Variants in ITPR2 observed in about 807,000 individuals in gnomAD.
ITPR2 encodes inositol 1,4,5-trisphosphate receptor type 2.
Under a neutral mutation model 317.1 loss-of-function variants are expected in ITPR2, and 207 were observed. The observed-to-expected ratio is 0.65, with a 90% CI of 0.58 to 0.73. ITPR2 has a LOEUF of 0.73. ITPR2 is among the 30% of genes least tolerant of loss of function. The probability of loss-of-function intolerance (pLI) is 0.00; values close to 1 mark genes in which losing one functional copy is unlikely to be tolerated. For missense variants in ITPR2, 2,613 were observed against 3,284.0 expected, an observed-to-expected ratio of 0.80 and a Z score of 4.99; for synonymous variants, 1,156 against 1,149.1, an observed-to-expected ratio of 1.01 and a Z score of -0.12.
intron 1 of ITPR2, among the ~76,000 whole-genome samples, chr12:26,810,549 G>T (rs1472965770): frequency 6.6e-6 from 1 of 152,200 alleles, no homozygotes; most frequent in African/African-American, 2.4e-5. Flanking sequence ...TGGCAGTCCA[G>T]GGCTGTCGCT....
At chr12:26,520,662 GT>G (rs1309120965) in intron 37 of ITPR2, among the ~76,000 whole-genome samples, 1 of 152,150 alleles carries the variant, frequency 6.6e-6, no homozygotes, top group African/African-American at 2.4e-5. Flanking sequence ...TGACACTTTA[GT>G]GTCTTTCTTT....
intron 45 of ITPR2, among the ~76,000 whole-genome samples, chr12:26,443,955 T>C (rs1156314660): frequency 6.6e-6 from 1 of 152,080 alleles, no homozygotes; most frequent in Non-Finnish European, 1.5e-5. Context: ...TACATGCAAA[T>C]AAAAACAAAG....
At chr12:26,421,351 G>A (rs1386553727) in intron 49 of ITPR2, 1 of 152,132 alleles carries the variant, frequency 6.6e-6, no homozygotes, top group Non-Finnish European at 1.5e-5. Context: ...GACGTGGAGT[G>A]GAGTTGATAA....
chr12:26,422,001 A>T lies in ITPR2; in HGVS notation c.6946-2788T>A, dbSNP rs1342457295. ...AATAGGTCTTCTAAAAAAAAAAGCA[A>T]AATTAATGTTTGTTTGTTAATTAGT... is the stretch of plus-strand genomic sequence containing the variant. On this transcript the variant is annotated intron_variant, in intron 49 of 56. Coordinates refer to ENST00000381340, the MANE Select transcript of ITPR2 (RefSeq NM_002223.4). Among the ~76,000 whole-genome samples the T allele has an allele frequency of 2.1e-5, 3 of 144,132 alleles. No homozygotes were observed. In the South Asian group the frequency reaches 6.5e-4, roughly 31 times the overall value. The allele number at this position is 144,132 out of a possible 152,430, so 94.6% of individuals were successfully genotyped here.
rs1018489203 is a variant in ITPR2 at position 26,507,154 on chromosome 12, A to G, written c.5074-11894T>C. Among the ~76,000 whole-genome samples, 14 of 152,294 alleles carry G rather than the reference A, an allele frequency of 9.2e-5. No individual in the cohort carries two copies. In the East Asian group the frequency reaches 2.5e-3, roughly 27 times the overall value. ...GCTCCTAATTGTGTTCTACATGTAA[A>G]CCACAATTTTCAAAGAATTTTGCAG... On this transcript the variant is annotated intron_variant, in intron 37 of 56. Transcript: ENST00000381340.
chr12:26,591,764 A>G (rs954061174), intron 32 of ITPR2, among the ~76,000 whole-genome samples: 8 of 151,560 alleles, frequency 5.3e-5, no homozygotes, highest in Non-Finnish European at 8.8e-5. Context: ...TGAACCCCGG[A>G]GGCAGAGGTT....
intron 2 of ITPR2, among the ~76,000 whole-genome samples, chr12:26,728,081 G>A (rs1396694416): frequency 6.6e-6 from 1 of 152,140 alleles, no homozygotes. Context: ...AGGCTAAGGA[G>A]GATGGACTAT....
intron 1 of ITPR2, chr12:26,801,181 C>A (rs61920594): frequency 0.16 from 25,661 of 158,606 alleles, 2,815 homozygotes; most frequent in Non-Finnish European, 0.24. Flanking sequence ...GGCAAAGTAG[C>A]CACTGACCAA....
At chr12:26,817,198 AAAAAGGGCAGT>A in intron 1 of ITPR2, among the ~76,000 whole-genome samples, 1 of 151,120 alleles carries the variant, frequency 6.6e-6, no homozygotes, top group African/African-American at 2.4e-5. Context: ...AAAAAAAAAA[AAAAAGGGCAGT>A]ACGAACAAAG....
intron 34 of ITPR2, among the ~76,000 whole-genome samples, chr12:26,564,421 G>A (rs925588612): frequency 6.6e-6 from 1 of 152,174 alleles, no homozygotes; most frequent in African/African-American, 2.4e-5. Context: ...AAGCATATTG[G>A]CCGTATTCTG....
chr12:26,772,423 T>TTATATATAATACATGTATTATATATATAA lies in ITPR2; in HGVS notation c.163+17733_163+17734insTTATATATATAATACATGTATTATATATA, dbSNP rs1565751745. 1.3e-3 allele frequency among the ~76,000 whole-genome samples: 119 copies of TTATATATAATACATGTATTATATATATAA among 93,990 alleles called. 3 individuals carry two copies. The highest frequency in any genetic ancestry group is 3.7e-3 in the African/African-American group (111 of 30,202). The allele number at this position is 93,990 out of a possible 152,430, so 61.7% of individuals were successfully genotyped here. On this transcript the variant is annotated intron_variant, in intron 2 of 56. Transcript: ENST00000381340. ...TATATAATATACACATTTATATATA[T>TTATATATAATACATGTATTATATATATAA]TATATATAATACATGTATTATATAT...
At chr12:26,413,644 G>T (rs1940624312) in intron 51 of ITPR2, among the ~76,000 whole-genome samples, 3 of 152,008 alleles carry the variant, frequency 2.0e-5, no homozygotes, top group South Asian at 4.2e-4. Context: ...ATAATCAAGG[G>T]TTTAACTTTG....
intron 55 of ITPR2, among the ~76,000 whole-genome samples, chr12:26,383,190 C>T (rs575999028): frequency 7.7e-4 from 118 of 152,316 alleles, no homozygotes; most frequent in African/African-American, 2.8e-3. Flanking sequence ...ACTTCACCTT[C>T]TGCCATGAGT....
chr12:26,580,471 G>A (rs944486766), intron 32 of ITPR2, among the ~76,000 whole-genome samples: 1 of 152,082 alleles, frequency 6.6e-6, no homozygotes, highest in East Asian at 1.9e-4. Flanking sequence ...GCTTGGCTTT[G>A]CTGGAGAACA....
chr12:26,342,257 A>C (rs2136542423), intron 55 of ITPR2, among the ~76,000 whole-genome samples: 1 of 152,226 alleles, frequency 6.6e-6, no homozygotes, highest in East Asian at 1.9e-4. Flanking sequence ...GGTAGGAAGG[A>C]GGGAGGAGAA....
intron 21 of ITPR2, among the ~76,000 whole-genome samples, chr12:26,645,553 G>A (rs1287275643): frequency 6.6e-6 from 1 of 152,234 alleles, no homozygotes; most frequent in Non-Finnish European, 1.5e-5. Flanking sequence ...TGGACAGAGG[G>A]AGGACAGACA....
rs570008795 is a variant in ITPR2 at position 26,337,320 on chromosome 12, T to C, written c.*2077A>G. On this transcript the variant is annotated 3_prime_UTR_variant, in exon 57 of 57. Transcript: ENST00000381340. ...CAAATGAATTTATTCTCTTGACCTC[T>C]AGTTCAGATGTCAGAAATATTTTGT... The C allele has an allele frequency of 2.5e-4, 38 of 152,362 alleles. No homozygotes were observed. The highest frequency in any genetic ancestry group is 8.9e-4 in the African/African-American group (37 of 41,590). The allele number at this position is 152,362 out of a possible 1,614,324, so 9.4% of individuals were successfully genotyped here. A position where few individuals can be genotyped will look rare whatever the true frequency, so the allele number is the denominator to read the frequency against.
chr12:26,747,620 T>C (rs1018497911), intron 2 of ITPR2, among the ~76,000 whole-genome samples: 6 of 152,180 alleles, frequency 3.9e-5, no homozygotes, highest in African/African-American at 1.4e-4. Flanking sequence ...ACTTCTCCAC[T>C]TCCTAAACAT....
Position 26,418,919 on chromosome 12 carries a change from T to G in ITPR2, c.7110+130A>C. 9.5e-6 allele frequency: 7 copies of G among 737,262 alleles called. 1 individual carries two copies. The highest frequency in any genetic ancestry group is 1.0e-5 in the Non-Finnish European group (5 of 498,856). 45.7% of individuals were successfully genotyped at this position (737,262 alleles called of 1,614,324 possible). ...AATAATTCACGCTTTTCCTAGGAAA[T>G]TCTAAAAATAACATAATTTGTCCTA... On this transcript the variant is annotated intron_variant, in intron 50 of 56. Transcript: ENST00000381340.
Sources: allele counts gnomAD v4.1 joint callset (sites outside exome capture counted in the v4.1 genomes callset), GRCh38; gene constraint gnomAD v4.1.1; transcripts MANE v1.5; gene names NCBI Gene and HGNC (gene_info 2026-07-23, HGNC 2026-07-21).